ACAP2: variants seen among roughly 807,000 people sequenced by gnomAD.
The protein encoded by ACAP2 is arf-GAP with coiled-coil, ANK repeat and PH domain-containing protein 2.
A neutral mutation model predicts 115.8 loss-of-function variants in ACAP2; 39 were observed. The ratio of observed to expected loss-of-function variants is 0.34; its 90% confidence interval spans 0.26 to 0.44. The LOEUF (loss-of-function observed/expected upper bound fraction) is 0.44. Ranked by LOEUF, ACAP2 falls within the 20% of genes least tolerant of loss-of-function variation. The pLI is 1.00. For missense variants in ACAP2, 662 were observed against 927.6 expected (o/e 0.71, Z 3.72); for synonymous variants, 289 against 315.8 (o/e 0.92, Z 0.90).
chr3:195,309,155 A>G (rs1728598555), intron 10 of ACAP2, among the ~76,000 whole-genome samples: 2 of 152,254 alleles, frequency 1.3e-5, no homozygotes, highest in Admixed American at 1.3e-4. Context: ...ACAAATTTAC[A>G]GCTTTTGAGG....
At chr3:195,284,750 T>TA (rs1245470942) in intron 22 of ACAP2, among the ~76,000 whole-genome samples, 3 of 152,222 alleles carry the variant, frequency 2.0e-5, no homozygotes, top group Non-Finnish European at 2.9e-5. Flanking sequence ...TATTCATTTT[T>TA]AAAAAACCAA....
At chr3:195,339,488 T>G (rs113717605) in intron 6 of ACAP2, among the ~76,000 whole-genome samples, 5 of 149,878 alleles carry the variant, frequency 3.3e-5, no homozygotes, top group African/African-American at 1.2e-4. Flanking sequence ...TAAAATAGGA[T>G]TTTTATATTA....
At chr3:195,290,193 A>G (rs941399143) in intron 20 of ACAP2, among the ~76,000 whole-genome samples, 2 of 151,900 alleles carry the variant, frequency 1.3e-5, no homozygotes, top group Non-Finnish European at 2.9e-5. Flanking sequence ...GCAACATAGC[A>G]AAATGTCTCT....
At chr3:195,427,508 CCTAAGGTA>C (rs1359401735) in intron 1 of ACAP2, among the ~76,000 whole-genome samples, 1 of 152,000 alleles carries the variant, frequency 6.6e-6, no homozygotes, top group Non-Finnish European at 1.5e-5. Flanking sequence ...CTATTACACA[CCTAAGGTA>C]CAAGGTATAG....
intron 9 of ACAP2, 25 bp downstream of exon 9, chr3:195,326,860 A>AT (rs1409749853): frequency 6.2e-7 from 1 of 1,609,126 alleles, no homozygotes; most frequent in South Asian, 1.1e-5. Context: ...AGTGGAATTA[A>AT]TTTTTAATTT....
chr3:195,342,516 T>C lies in ACAP2; in HGVS notation c.483A>G (p.Ala161=). The C allele has an allele frequency of 6.2e-7, 1 of 1,611,180 alleles. No individual in the cohort carries two copies. Among genetic ancestry groups the C allele is most frequent in the South Asian group, 1.1e-5 (1 of 90,098 alleles). ...EVEEATNILT[A]TRKCFRHIAL... ...CTATGTGTCGGAAACATTTTCTTGT[T>C]GCTGTCAGAATGTTGGTGGCTTCTT... Residue 161 remains alanine (A), a synonymous_variant, in exon 6 of 23, where the codon GCA becomes GCG. Coordinates refer to ENST00000326793, the MANE Select transcript of ACAP2 (RefSeq NM_012287.6).
intron 4 of ACAP2, among the ~76,000 whole-genome samples, chr3:195,367,913 A>T (rs949260433): frequency 2.6e-5 from 4 of 152,232 alleles, no homozygotes; most frequent in African/African-American, 7.2e-5. Flanking sequence ...GAGCAGAAGT[A>T]AGCTGATCCC....
At chr3:195,280,481 T>TA (rs960102352) in intron 22 of ACAP2, among the ~76,000 whole-genome samples, 11 of 151,640 alleles carry the variant, frequency 7.3e-5, no homozygotes, top group South Asian at 2.1e-4. Flanking sequence ...CAATAAAAAA[T>TA]AAAAAAAAGA....
chr3:195,402,809 A>G (rs1022960524), intron 1 of ACAP2, among the ~76,000 whole-genome samples: 4 of 152,224 alleles, frequency 2.6e-5, no homozygotes, highest in Non-Finnish European at 5.9e-5. Flanking sequence ...TTGTTTTTTA[A>G]AAAACACCAT....
In ACAP2 at chr3:195,314,060, T is replaced by C. The variant is rs145187812; in HGVS notation, c.858-5223A>G. ...TATTTCAATCGCATCATACAAAATATTATCTATTCACTTAAATTCCAGATT... is the reference window on the plus strand; with the variant it reads ...TATTTCAATCGCATCATACAAAATACTATCTATTCACTTAAATTCCAGATT... On this transcript the variant is annotated intron_variant, in intron 10 of 22. Coordinates refer to ENST00000326793, the MANE Select transcript of ACAP2 (RefSeq NM_012287.6). Among the ~76,000 whole-genome samples, 968 of 152,260 alleles carry C rather than the reference T, an allele frequency of 6.4e-3. 9 individuals are homozygous for C. Among genetic ancestry groups the C allele is most frequent in the African/African-American group, 0.021 (860 of 41,564 alleles).
At chr3:195,426,963 C>T (rs767545107) in intron 1 of ACAP2, among the ~76,000 whole-genome samples, 4 of 151,892 alleles carry the variant, frequency 2.6e-5, no homozygotes, top group Non-Finnish European at 5.9e-5. Context: ...TGTCAACATC[C>T]GAATCCTCAG....
At chr3:195,414,586 T>C (rs1713561140) in intron 1 of ACAP2, among the ~76,000 whole-genome samples, 1 of 152,158 alleles carries the variant, frequency 6.6e-6, no homozygotes, top group South Asian at 2.1e-4. Flanking sequence ...CAACAGAGTA[T>C]CATTCAGCAC....
intron 2 of ACAP2, among the ~76,000 whole-genome samples, chr3:195,382,832 A>G (rs542408069): frequency 6.6e-6 from 1 of 152,046 alleles, no homozygotes; most frequent in Admixed American, 6.6e-5. Context: ...ACAAGTAGAT[A>G]AATTCTACAG....
intron 4 of ACAP2, among the ~76,000 whole-genome samples, chr3:195,352,089 A>G (rs1199233340): frequency 2.0e-5 from 3 of 152,256 alleles, no homozygotes; most frequent in Admixed American, 6.5e-5. Flanking sequence ...CAGGCCGCAC[A>G]TATAACGGTG....
Position 195,288,983 on chromosome 3 carries a change from C to T in ACAP2, c.2174+138G>A, listed in dbSNP as rs980079795. 4 of 590,256 alleles carry T rather than the reference C, an allele frequency of 6.8e-6. No homozygotes were observed. The African/African-American group carries it at 7.6e-5, about 11-fold the overall frequency. The allele number at this position is 590,256 out of a possible 1,614,324, so 36.6% of individuals were successfully genotyped here. A position where few individuals can be genotyped will look rare whatever the true frequency, so the allele number is the denominator to read the frequency against. On this transcript the variant is annotated intron_variant, in intron 21 of 22. Transcript: ENST00000326793. Reference sequence around the variant, plus strand: ...GAGGTATGTAAGTTATATGTAAATACATACCATTTTATATAAGGGACATGA... The same window carrying T: ...GAGGTATGTAAGTTATATGTAAATATATACCATTTTATATAAGGGACATGA...
intron 13 of ACAP2, among the ~76,000 whole-genome samples, chr3:195,304,687 T>C (rs1728307855): frequency 1.3e-5 from 2 of 152,144 alleles, no homozygotes; most frequent in Non-Finnish European, 2.9e-5. Context: ...AGTGCTTAGC[T>C]CCCCACCAAT....
chr3:195,329,657 G>C (rs1488779932), intron 8 of ACAP2, among the ~76,000 whole-genome samples: 1 of 151,926 alleles, frequency 6.6e-6, no homozygotes, highest in African/African-American at 2.4e-5. Context: ...CTACTGCCTG[G>C]GTCCCCAGCT....
intron 4 of ACAP2, among the ~76,000 whole-genome samples, chr3:195,377,423 G>A (rs527592826): frequency 1.2e-4 from 18 of 151,940 alleles, no homozygotes; most frequent in Admixed American, 3.3e-4. Flanking sequence ...GAGATTACAG[G>A]TATGAGCCAC....
chr3:195,370,596 G>C (rs1284593042), intron 4 of ACAP2, among the ~76,000 whole-genome samples: 1 of 152,126 alleles, frequency 6.6e-6, no homozygotes, highest in Non-Finnish European at 1.5e-5. Flanking sequence ...CTGTTCCACT[G>C]GTCTGTGTCT....
Sources: gnomAD v4.1 joint callset for allele counts (sites outside exome capture counted in the v4.1 genomes callset) on GRCh38, gnomAD v4.1.1 for gene constraint, MANE v1.5 for transcripts, NCBI Gene and HGNC (gene_info 2026-07-23, HGNC 2026-07-21) for gene names.